The following CAPRIN1 variants were observed in gnomAD, a reference collection of about 807,000 sequenced individuals.
CAPRIN1 encodes the protein caprin-1.
In CAPRIN1, 29 loss-of-function variants were observed where a neutral mutation model predicts 100.9. That is an observed-to-expected ratio of 0.29 (90% CI 0.21 to 0.39). The LOEUF (loss-of-function observed/expected upper bound fraction) is 0.39, where lower values mean the gene tolerates loss of function less well. CAPRIN1 is among the 10% of genes least tolerant of loss of function. The pLI is 1.00. For synonymous variants in CAPRIN1, 338 were observed against 307.5 expected (o/e 1.10, Z -1.04); for missense variants, 795 against 876.7 (o/e 0.91, Z 1.18).
intron 7 of CAPRIN1, among the ~76,000 whole-genome samples, 155 bp downstream of exon 7, chr11:34,079,920 T>G (rs1255716337): frequency 0.013 from 43 of 3,390 alleles, 1 homozygote; most frequent in African/African-American, 0.027. Context: ...TTTTTTTTTT[T>G]TTTTTTTTTT....
At chr11:34,064,620 G>A (rs1371272297) in intron 2 of CAPRIN1, among the ~76,000 whole-genome samples, 2 of 152,146 alleles carry the variant, frequency 1.3e-5, no homozygotes, top group Non-Finnish European at 2.9e-5. Context: ...ACCAATTGTC[G>A]TAAGAGGCTT....
chr11:34,094,289 C>G (rs1379707859), intron 15 of CAPRIN1, among the ~76,000 whole-genome samples: 1 of 152,158 alleles, frequency 6.6e-6, no homozygotes, highest in Non-Finnish European at 1.5e-5. Context: ...CCTCAGGCCT[C>G]AGGTGATCCA....
At chr11:34,074,681 G>A (rs926029359) in intron 4 of CAPRIN1, among the ~76,000 whole-genome samples, 1 of 152,124 alleles carries the variant, frequency 6.6e-6, no homozygotes, top group East Asian at 1.9e-4. Flanking sequence ...TCAGAAGTTC[G>A]AGACCAGCCT....
chr11:34,099,340 G>T lies in CAPRIN1; in HGVS notation c.2103G>T (p.Pro701=), dbSNP rs750707044. ...CCCCAAGACCCAACAGAGGGATGCCGCAAATGAACACTCAGCAAGTGAATT... is the reference window on the plus strand; with the variant it reads ...CCCCAAGACCCAACAGAGGGATGCCTCAAATGAACACTCAGCAAGTGAATT... ...GGPPRPNRGM[P]QMNTQQVN The change falls in exon 19 of 19, where the codon CCG becomes CCT. Residue 701 remains proline, a synonymous_variant. Transcript: ENST00000341394. 6.2e-7 allele frequency: 1 copy of T among 1,613,488 alleles called. No individual in the cohort carries two copies.
chr11:34,082,913 G>A, intron 8 of CAPRIN1, 36 bp downstream of exon 8: 1 of 1,612,614 alleles, frequency 6.2e-7, no homozygotes, highest in Non-Finnish European at 8.5e-7. Context: ...TTACTTTGCT[G>A]CCTTTCAAAC....
At chr11:34,068,992 A>G (rs1413331347) in intron 2 of CAPRIN1, among the ~76,000 whole-genome samples, 2 of 152,096 alleles carry the variant, frequency 1.3e-5, no homozygotes, top group Non-Finnish European at 2.9e-5. Context: ...AGTTAATAAC[A>G]GTGTTTCTTT....
At chr11:34,082,389 A>G (rs1403651150) in intron 7 of CAPRIN1, among the ~76,000 whole-genome samples, 1 of 152,096 alleles carries the variant, frequency 6.6e-6, no homozygotes, top group Admixed American at 6.5e-5. Flanking sequence ...GGGTTTCACC[A>G]GGTTGGCTAG....
At chr11:34,098,584 G>C in intron 18 of CAPRIN1, 1 of 985,126 alleles carries the variant, frequency 1.0e-6, no homozygotes, top group Non-Finnish European at 1.2e-6. Context: ...ACTTTGATTT[G>C]AATACTAGTA....
At chr11:34,062,361 C>T (rs1850598006) in intron 2 of CAPRIN1, among the ~76,000 whole-genome samples, 1 of 152,082 alleles carries the variant, frequency 6.6e-6, no homozygotes, top group Admixed American at 6.5e-5. Flanking sequence ...CGCGGTGGCT[C>T]ACGCCTGTAA....
intron 2 of CAPRIN1, among the ~76,000 whole-genome samples, chr11:34,065,737 C>T (rs1374256373): frequency 1.3e-5 from 2 of 152,104 alleles, no homozygotes; most frequent in Admixed American, 1.3e-4. Context: ...AAACTAGTGC[C>T]TTTTAATTAA....
At chr11:34,059,879 C>CTTTT (rs570241213) in intron 2 of CAPRIN1, among the ~76,000 whole-genome samples, 2 of 109,850 alleles carry the variant, frequency 1.8e-5, no homozygotes, top group Non-Finnish European at 3.7e-5. Flanking sequence ...TAGAAGAATA[C>CTTTT]TTTTTTTTTT....
chr11:34,074,661 T>TC (rs1391840098), intron 4 of CAPRIN1, among the ~76,000 whole-genome samples: 1 of 152,192 alleles, frequency 6.6e-6, no homozygotes, highest in East Asian at 1.9e-4. Flanking sequence ...GGTGGGTGGA[T>TC]CACCTGAGGT....
chr11:34,090,669 C>T lies in CAPRIN1; in HGVS notation c.1545C>T (p.Ser515=). 1 of 1,613,408 alleles carries T rather than the reference C, an allele frequency of 6.2e-7. No individual in the cohort carries two copies. The highest frequency in any genetic ancestry group is 8.5e-7 in the Non-Finnish European group (1 of 1,179,426). The change falls in exon 14 of 19, where the codon TCC becomes TCT. Residue 515 remains serine, a synonymous_variant. Coordinates refer to ENST00000341394, the MANE Select transcript of CAPRIN1 (RefSeq NM_005898.5). ...ATGTAAATGCAGCTCCATTCCAATC[C>T]ATGCAAACGGTAAGCAAATTAACTA... The part of the protein sequence containing the change: ...GINVNAAPFQ[S]MQTVFNMNAP...
chr11:34,069,537 TC>T (rs1460034058), intron 2 of CAPRIN1, among the ~76,000 whole-genome samples: 1 of 152,136 alleles, frequency 6.6e-6, no homozygotes, highest in African/African-American at 2.4e-5. Flanking sequence ...TTATGAGTCT[TC>T]CCTTTTCTTC....
At chr11:34,072,034 C>T (rs1386232784) in intron 4 of CAPRIN1, 47 bp downstream of exon 4, 2 of 1,356,280 alleles carry the variant, frequency 1.5e-6, no homozygotes, top group East Asian at 2.4e-5. Context: ...TTTGTTGTTT[C>T]TTTGGGTTTT....
chr11:34,077,130 G>A (rs1418956423), intron 6 of CAPRIN1, among the ~76,000 whole-genome samples: 1 of 151,992 alleles, frequency 6.6e-6, no homozygotes, highest in South Asian at 2.1e-4. Context: ...TTTCTTTTTT[G>A]TTTCTTTGTA....
intron 4 of CAPRIN1, 136 bp from the exon 5 acceptor site, chr11:34,076,100 G>T: frequency 1.6e-6 from 1 of 625,970 alleles, no homozygotes; most frequent in Non-Finnish European, 2.8e-6. Context: ...TTGTAAGTCA[G>T]GAATCATCCT....
chr11:34,079,731 AG>A lies in CAPRIN1; in HGVS notation c.793del (p.Ala265HisfsTer31). ...GLCEEEEAAS[A>X]PAVEDQVPEA... ...TGTGTGAGGAAGAAGAGGCAGCCTCAGCACCTGCAGTTGAAGACCAGGTACC... is the reference window on the plus strand; with the variant it reads ...TGTGTGAGGAAGAAGAGGCAGCCTCACACCTGCAGTTGAAGACCAGGTACC... On this transcript the variant is annotated frameshift_variant, in exon 7 of 19. Coordinates refer to ENST00000341394, the MANE Select transcript of CAPRIN1 (RefSeq NM_005898.5). LOFTEE classifies it high-confidence loss of function. 6.2e-7 allele frequency: 1 copy of A among 1,614,150 alleles called. No homozygotes were observed. The highest frequency in any genetic ancestry group is 8.5e-7 in the Non-Finnish European group (1 of 1,180,006).
At chr11:34,082,063 C>T (rs1019095233) in intron 7 of CAPRIN1, among the ~76,000 whole-genome samples, 10 of 151,888 alleles carry the variant, frequency 6.6e-5, no homozygotes, top group Admixed American at 3.9e-4. Context: ...CCCCCAACCT[C>T]GGCCTCCCAG....
Sources: allele counts gnomAD v4.1 joint callset (sites outside exome capture counted in the v4.1 genomes callset), GRCh38; gene constraint gnomAD v4.1.1; transcripts MANE v1.5; gene names NCBI Gene and HGNC (gene_info 2026-07-23, HGNC 2026-07-21).